POT1: variants seen among roughly 807,000 people sequenced by gnomAD.
The protein encoded by POT1 is protection of telomeres 1.
Under a neutral mutation model 78.5 loss-of-function variants are expected in POT1, and 47 were observed. The ratio of observed to expected loss-of-function variants is 0.60; its 90% CI spans 0.47 to 0.76. The LOEUF (loss-of-function observed/expected upper bound fraction) is 0.76, where lower values mean the gene tolerates loss of function less well. Among genes scored for constraint, POT1 ranks in the 30% least tolerant of loss-of-function variants. The pLI is 0.00. For missense variants in POT1, 646 were observed against 749.9 expected (o/e 0.86, Z 1.62); for synonymous variants, 259 against 260.7 (o/e 0.99, Z 0.06).
chr7:124,849,610 C>G (rs1795255528), intron 11 of POT1, among the ~76,000 whole-genome samples: 1 of 152,036 alleles, frequency 6.6e-6, no homozygotes, highest in African/African-American at 2.4e-5. Flanking sequence ...TTAGATACAT[C>G]GACCTCACTT....
rs866261185 is a variant in POT1 at position 124,841,135 on chromosome 7, C to T, written c.1207G>A (p.Asp403Asn). ...ACATCTGGGGTTTTAGTTGCACCAT[C>T]CTGAAAAATTATATCCAAATCGCCC... ...HEGDLDIIFQ[D>N]GATKTPDVKL... Residue 403 changes from aspartate (D) to asparagine (N), a missense_variant, in exon 14 of 19, where the codon GAT becomes AAT. Transcript: ENST00000357628. 3 of 1,612,650 alleles carry T rather than the reference C, an allele frequency of 1.9e-6. No individual in the cohort carries two copies. The highest frequency in any genetic ancestry group is 1.7e-6 in the Non-Finnish European group (2 of 1,179,128).
chr7:124,906,726 C>G (rs1584519026), intron 3 of POT1, among the ~76,000 whole-genome samples: 1 of 151,938 alleles, frequency 6.6e-6, no homozygotes, highest in South Asian at 2.1e-4. Flanking sequence ...TCATAGTGTT[C>G]AACAAATATC....
intron 11 of POT1, among the ~76,000 whole-genome samples, chr7:124,849,287 T>C (rs1163496690): frequency 6.6e-6 from 1 of 152,224 alleles, no homozygotes; most frequent in Non-Finnish European, 1.5e-5. Context: ...AAAACATACA[T>C]GGTTGCCCAC....
At chr7:124,901,486 C>T (rs188717390) in intron 3 of POT1, among the ~76,000 whole-genome samples, 1 of 152,176 alleles carries the variant, frequency 6.6e-6, no homozygotes, top group African/African-American at 2.4e-5. Flanking sequence ...GCATCAACAT[C>T]AACAAAAAGG....
chr7:124,863,178 G>C (rs906748556), intron 8 of POT1, among the ~76,000 whole-genome samples, 172 bp downstream of exon 8: 1 of 152,138 alleles, frequency 6.6e-6, no homozygotes, highest in African/African-American at 2.4e-5. Flanking sequence ...AAATTTTAGA[G>C]AGGTACAAGA....
intron 9 of POT1, among the ~76,000 whole-genome samples, chr7:124,855,575 A>G (rs1795427483): frequency 6.6e-6 from 1 of 151,870 alleles, no homozygotes; most frequent in South Asian, 2.1e-4. Flanking sequence ...GTCAGTATTA[A>G]GATTCCAAAA....
intron 12 of POT1, 23 bp from the exon 13 acceptor site, chr7:124,842,986 A>G (rs1795067558): frequency 1.3e-6 from 2 of 1,484,860 alleles, no homozygotes. Flanking sequence ...TTTATATTCA[A>G]TCAGAATAAC....
intron 6 of POT1, among the ~76,000 whole-genome samples, chr7:124,878,490 C>T (rs1796042819): frequency 6.6e-6 from 1 of 152,082 alleles, no homozygotes; most frequent in Non-Finnish European, 1.5e-5. Flanking sequence ...AATGTTCTCA[C>T]TATAAAAAAT....
chr7:124,824,857 AGTTAAC>A (rs761336157), intron 18 of POT1, among the ~76,000 whole-genome samples: 56,688 of 151,628 alleles, frequency 0.37, 10,954 homozygotes, highest in East Asian at 0.49. Flanking sequence ...ATCTGAAACT[AGTTAAC>A]AATAAATAAA....
chr7:124,917,848 T>C (rs918316347), intron 2 of POT1, among the ~76,000 whole-genome samples: 2 of 152,146 alleles, frequency 1.3e-5, no homozygotes, highest in Admixed American at 6.5e-5. Flanking sequence ...AAGACACTCC[T>C]AGCACCTGCG....
At chr7:124,826,948 C>T (rs1193952673) in intron 17 of POT1, among the ~76,000 whole-genome samples, 4 of 152,028 alleles carry the variant, frequency 2.6e-5, no homozygotes, top group African/African-American at 9.7e-5. Flanking sequence ...ATAGTGTGGC[C>T]GTATCTCTGC....
At chr7:124,874,095 C>T (rs867889288) in intron 6 of POT1, among the ~76,000 whole-genome samples, 3 of 152,174 alleles carry the variant, frequency 2.0e-5, no homozygotes, top group South Asian at 2.1e-4. Flanking sequence ...AACAACCTTT[C>T]CATTTTGCAA....
intron 9 of POT1, among the ~76,000 whole-genome samples, chr7:124,855,794 T>G (rs1795433785): frequency 6.6e-6 from 1 of 152,040 alleles, no homozygotes; most frequent in Non-Finnish European, 1.5e-5. Context: ...TATTTTTAAT[T>G]CCCTGAATAT....
chr7:124,881,412 A>C (rs970159443), intron 6 of POT1, among the ~76,000 whole-genome samples: 15 of 152,158 alleles, frequency 9.9e-5, no homozygotes, highest in South Asian at 2.1e-4. Context: ...GTACATATTT[A>C]TTAAAAGAAA....
intron 6 of POT1, among the ~76,000 whole-genome samples, chr7:124,888,695 G>A (rs947803848): frequency 2.0e-5 from 3 of 151,898 alleles, no homozygotes; most frequent in African/African-American, 2.4e-5. Context: ...CAGTATGTGC[G>A]TCTATGTTAC....
At chr7:124,844,455 C>T (rs1795111684) in intron 12 of POT1, among the ~76,000 whole-genome samples, 2 of 148,056 alleles carry the variant, frequency 1.4e-5, no homozygotes, top group South Asian at 4.4e-4. Context: ...AGGCCATTGG[C>T]ACCGGGCGCG....
At chr7:124,846,111 T>C (rs79198977) in intron 12 of POT1, among the ~76,000 whole-genome samples, 16,463 of 151,696 alleles carry the variant, frequency 0.11, 1,202 homozygotes, top group South Asian at 0.29. Flanking sequence ...GCTGCCTCTA[T>C]GCTTTTTCAT....
chr7:124,834,320 C>T (rs563158782), intron 15 of POT1, among the ~76,000 whole-genome samples: 2 of 152,138 alleles, frequency 1.3e-5, no homozygotes, highest in East Asian at 3.9e-4. Flanking sequence ...AAACAGGCAA[C>T]CTACAGAATG....
intron 6 of POT1, among the ~76,000 whole-genome samples, chr7:124,888,238 T>A (rs913089125): frequency 2.0e-5 from 3 of 152,124 alleles, no homozygotes; most frequent in African/African-American, 7.2e-5. Context: ...CCCCATTATA[T>A]ATTCTTGCAC....
Sources: gnomAD v4.1 joint callset for allele counts (sites outside exome capture counted in the v4.1 genomes callset) on GRCh38, gnomAD v4.1.1 for gene constraint, MANE v1.5 for transcripts, NCBI Gene and HGNC (gene_info 2026-07-23, HGNC 2026-07-21) for gene names.